The following RELL1 variants were observed in gnomAD, a reference collection of about 807,000 sequenced individuals.
The protein encoded by RELL1 is RELT like 1.
Under a neutral mutation model 23.0 loss-of-function variants are expected in RELL1, and 10 were observed. The observed-to-expected ratio is 0.43, with a 90% CI of 0.27 to 0.74. The LOEUF is 0.74. RELL1 is among the 30% of genes least tolerant of loss of function. The pLI is 0.19. For synonymous variants in RELL1, 146 were observed against 146.8 expected (o/e 0.99, Z 0.04); for missense variants, 315 against 364.4 (o/e 0.86, Z 1.10).
intron 1 of RELL1, among the ~76,000 whole-genome samples, chr4:37,669,575 T>C (rs550800522): frequency 0.014 from 2,117 of 151,964 alleles, 44 homozygotes; most frequent in African/African-American, 0.049. Flanking sequence ...ACAATGGCAG[T>C]TTTGTGGAAT....
intron 4 of RELL1, among the ~76,000 whole-genome samples, chr4:37,635,519 TGGGA>T (rs1720294899): frequency 6.6e-6 from 1 of 152,040 alleles, no homozygotes. Context: ...CCCAGCTACT[TGGGA>T]GGCAGTGGTG....
intron 1 of RELL1, among the ~76,000 whole-genome samples, chr4:37,682,525 C>A (rs1722258759): frequency 6.6e-6 from 1 of 152,222 alleles, no homozygotes; most frequent in Non-Finnish European, 1.5e-5. Context: ...GGGCTTTGGT[C>A]TCTCACATTC....
At chr4:37,600,664 T>G (rs139430600) in intron 6 of RELL1, among the ~76,000 whole-genome samples, 1 of 152,216 alleles carries the variant, frequency 6.6e-6, no homozygotes, top group Non-Finnish European at 1.5e-5. Context: ...AATAAGATTT[T>G]ATAAAATAAA....
intron 6 of RELL1, among the ~76,000 whole-genome samples, chr4:37,626,251 G>A (rs1031906717): frequency 6.6e-6 from 1 of 152,170 alleles, no homozygotes; most frequent in East Asian, 1.9e-4. Flanking sequence ...GCCGAGGCAG[G>A]TGGATCACTT....
At position 37,604,804 on chromosome 4, in the gene RELL1, CACACAG is replaced by C. The variant is rs377378494; in HGVS notation, c.*4-13593_*4-13588del. ...ACACACAGACACACACACAGACACA[CACACAG>C]ACACACACACAGACACACACATACA... On this transcript the variant is annotated intron_variant, in intron 6 of 6. Coordinates refer to the RELL1 transcript ENST00000314117. Among the ~76,000 whole-genome samples the C allele has an allele frequency of 1.4e-3, 101 of 72,434 alleles. 2 individuals are homozygous for C. Among genetic ancestry groups the C allele is most frequent in the Non-Finnish European group, 2.4e-3 (68 of 28,236 alleles). The allele number at this position is 72,434 out of a possible 152,430, so 47.5% of individuals were successfully genotyped here.
chr4:37,600,616 T>C (rs1375740369), intron 6 of RELL1, among the ~76,000 whole-genome samples: 1 of 152,214 alleles, frequency 6.6e-6, no homozygotes, highest in Non-Finnish European at 1.5e-5. Context: ...ATTTATAGCA[T>C]TAAAATTGAC....
At chr4:37,630,428 G>A (rs1208656797) in intron 6 of RELL1, among the ~76,000 whole-genome samples, 1 of 136,994 alleles carries the variant, frequency 7.3e-6, no homozygotes, top group Admixed American at 8.2e-5. Context: ...GCAGTGGCGT[G>A]ATCTCGGCTC....
chr4:37,590,719 C>G (rs147455009), downstream of RELL1: 5 of 1,613,980 alleles, frequency 3.1e-6, no homozygotes, highest in African/African-American at 6.7e-5. Context: ...GGGAATTCAG[C>G]CCCCAGTGGG....
At chr4:37,604,868 C>CACACACACACACAG (rs1553871545) in intron 6 of RELL1, among the ~76,000 whole-genome samples, 1 of 87,518 alleles carries the variant, frequency 1.1e-5, no homozygotes, top group Non-Finnish European at 2.0e-5. Flanking sequence ...CACACACAGA[C>CACACACACACACAG]ACACACACAC....
rs201209923 is a variant in RELL1 at position 37,649,452 on chromosome 4, G to A, written c.137C>T (p.Ser46Leu). 53 of 1,614,026 alleles carry A rather than the reference G, an allele frequency of 3.3e-5. No individual in the cohort carries two copies. The highest frequency in any genetic ancestry group is 4.4e-5 in the South Asian group (4 of 91,086). Residue 46 changes from serine to leucine, a missense_variant, in exon 2 of 7, where the codon TCG becomes TTG. Coordinates refer to ENST00000454158, the MANE Select transcript of RELL1 (RefSeq NM_001085400.2). Reference protein sequence around the residue: ...TLHSRTETTPSPSNDTGNGHP... With the variant: ...TLHSRTETTPLPSNDTGNGHP... ...TCCATTCCCAGTATCGTTGCTGGGC[G>A]ACGGGGTCGTCTCTGTTCTGGAGTG...
rs556304420 is a variant in RELL1, at chr4:37,656,206, T to C, written c.89-6706A>G. On this transcript the variant is annotated intron_variant, in intron 1 of 6. Coordinates refer to ENST00000454158, the MANE Select transcript of RELL1 (RefSeq NM_001085400.2). Reference sequence around the variant, plus strand: ...GAAAATCCTGCCAAATGTGACAACATGGGTAAACCCTGAGGACATTAGGCT... The same window carrying C: ...GAAAATCCTGCCAAATGTGACAACACGGGTAAACCCTGAGGACATTAGGCT... Among the ~76,000 whole-genome samples the C allele has an allele frequency of 3.9e-5, 6 of 152,332 alleles. No individual in the cohort carries two copies. In the South Asian group the frequency reaches 1.2e-3, roughly 32 times the overall value.
chr4:37,597,433 C>T (rs749732673), intron 6 of RELL1, among the ~76,000 whole-genome samples: 6 of 152,164 alleles, frequency 3.9e-5, no homozygotes, highest in Non-Finnish European at 5.9e-5. Context: ...ACATAAGTTA[C>T]CAACTTAAAA....
downstream of RELL1, among the ~76,000 whole-genome samples, chr4:37,586,936 C>A (rs1235313572): frequency 6.6e-6 from 1 of 152,046 alleles, no homozygotes; most frequent in Non-Finnish European, 1.5e-5. Context: ...CAAAACAAAA[C>A]AATGGAAGTT....
chr4:37,620,547 C>A lies in RELL1; in HGVS notation c.*4-7205G>T, dbSNP rs367567188. On this transcript the variant is annotated intron_variant, in intron 6 of 6. Transcript: ENST00000454158. ...CAGCAGTTCCCTACTAGTCTCAACA[C>A]ACTTCTGATTTAATGTCTACACTAA... 5.3e-5 allele frequency among the ~76,000 whole-genome samples: 8 copies of A among 152,316 alleles called. No homozygotes were observed. The South Asian group carries it at 1.0e-3, about 20-fold the overall frequency.
chr4:37,642,210 C>T (rs753861484), intron 3 of RELL1, among the ~76,000 whole-genome samples: 5 of 152,148 alleles, frequency 3.3e-5, no homozygotes, highest in Non-Finnish European at 5.9e-5. Flanking sequence ...AAAATATAAA[C>T]GAAGCCTGAA....
rs180974578 is a variant in RELL1 at position 37,655,507 on chromosome 4, C to A, written c.89-6007G>T. 9.2e-5 allele frequency among the ~76,000 whole-genome samples: 14 copies of A among 152,230 alleles called. No homozygotes were observed. The East Asian group carries it at 1.4e-3, about 15-fold the overall frequency. On this transcript the variant is annotated intron_variant, in intron 1 of 6. Coordinates refer to ENST00000454158, the MANE Select transcript of RELL1 (RefSeq NM_001085400.2). ...TGCTTCTTCTACAAGCTAAGGGACA[C>A]CAAAGATTGCCAGCAAATCACCAGA... is the stretch of plus-strand genomic sequence containing the variant.
At chr4:37,625,854 CAT>C (rs1456577656) in intron 6 of RELL1, among the ~76,000 whole-genome samples, 6 of 151,972 alleles carry the variant, frequency 3.9e-5, no homozygotes, top group Non-Finnish European at 5.9e-5. Context: ...TTCAAAACAA[CAT>C]GTCGTACATA....
intron 1 of RELL1, among the ~76,000 whole-genome samples, chr4:37,667,428 AG>A (rs1721575762): frequency 6.7e-6 from 1 of 149,784 alleles, no homozygotes; most frequent in South Asian, 2.3e-4. Context: ...CAAGTATCAA[AG>A]GTGACTTTAA....
At chr4:37,626,196 G>C (rs1192900740) in intron 6 of RELL1, among the ~76,000 whole-genome samples, 1 of 152,154 alleles carries the variant, frequency 6.6e-6, no homozygotes, top group East Asian at 1.9e-4. Context: ...ATTAAAAATA[G>C]ACCGGGCACA....
Sources: gnomAD v4.1 joint callset for allele counts (sites outside exome capture counted in the v4.1 genomes callset) on GRCh38, gnomAD v4.1.1 for gene constraint, MANE v1.5 for transcripts, NCBI Gene and HGNC (gene_info 2026-07-23, HGNC 2026-07-21) for gene names.